ME1: variants seen among roughly 807,000 people sequenced by gnomAD.
The protein encoded by ME1 is NADP-dependent malic enzyme.
Under a neutral mutation model 66.4 loss-of-function variants are expected in ME1, and 74 were observed. That is an observed-to-expected ratio of 1.11 (90% confidence interval 0.92 to 1.35). The LOEUF (loss-of-function observed/expected upper bound fraction) is 1.35, where lower values mean the gene tolerates loss of function less well. Ranked by LOEUF, ME1 falls within the 40% of genes most tolerant of loss-of-function variation. The probability of loss-of-function intolerance (pLI) is 0.00; values close to 1 mark genes in which losing one functional copy is unlikely to be tolerated. For missense variants in ME1, 750 were observed against 694.1 expected (o/e 1.08, Z -0.90); for synonymous variants, 251 against 235.6 (o/e 1.07, Z -0.60).
At chr6:83,389,346 A>G (rs1769574472) in intron 3 of ME1, among the ~76,000 whole-genome samples, 1 of 152,214 alleles carries the variant, frequency 6.6e-6, no homozygotes, top group Non-Finnish European at 1.5e-5. Flanking sequence ...ACATATACTA[A>G]TTGAACACCA....
rs115738021 is a variant in ME1 at position 83,260,209 on chromosome 6, C to G, written c.705-6471G>C. Among the ~76,000 whole-genome samples, 937 of 150,432 alleles carry G rather than the reference C, an allele frequency of 6.2e-3. 10 individuals are homozygous for G. The highest frequency in any genetic ancestry group is 0.022 in the African/African-American group (895 of 41,090). On this transcript the variant is annotated intron_variant, in intron 6 of 13. Transcript: ENST00000369705. ...AAAAGAATCACAAGCAAAATAGAAT[C>G]ACTATGTTTAGGTGTTGTCTGCTTT... is the stretch of plus-strand genomic sequence containing the variant.
intron 7 of ME1, among the ~76,000 whole-genome samples, chr6:83,248,462 G>T (rs1393362816): frequency 1.3e-5 from 2 of 152,078 alleles, no homozygotes; most frequent in Non-Finnish European, 2.9e-5. Context: ...ATTATACATG[G>T]TATCTTCAAG....
chr6:83,235,531 C>T (rs540761211), intron 9 of ME1, among the ~76,000 whole-genome samples: 7 of 140,504 alleles, frequency 5.0e-5, no homozygotes, highest in Admixed American at 7.7e-5. Context: ...AGTGCAGTGG[C>T]GCGATCTCGG....
chr6:83,412,197 C>G (rs1562007169), intron 1 of ME1, among the ~76,000 whole-genome samples: 2 of 151,946 alleles, frequency 1.3e-5, no homozygotes, highest in African/African-American at 4.8e-5. Flanking sequence ...CAATGAATGA[C>G]TTTTTTTCCC....
At chr6:83,317,979 G>A (rs1338772997) in intron 5 of ME1, among the ~76,000 whole-genome samples, 2 of 152,042 alleles carry the variant, frequency 1.3e-5, no homozygotes, top group African/African-American at 2.4e-5. Context: ...ACAGAACAGA[G>A]CCCTCAGAAA....
rs147122038 is a variant in ME1, at chr6:83,377,316, A to G, written c.362+21051T>C. 1.1e-4 allele frequency among the ~76,000 whole-genome samples: 16 copies of G among 152,330 alleles called. No homozygotes were observed. The East Asian group carries it at 2.5e-3, about 24-fold the overall frequency. ...GTCAACTGGCACATCAATTAAAAAT[A>G]AGTTTCCATAATATATCTCTACATG... On this transcript the variant is annotated intron_variant, in intron 3 of 13. Transcript: ENST00000369705.
intron 7 of ME1, among the ~76,000 whole-genome samples, chr6:83,250,735 A>C (rs1249349689): frequency 1.3e-5 from 2 of 152,224 alleles, no homozygotes; most frequent in Non-Finnish European, 2.9e-5. Context: ...AGTGTGAATA[A>C]TCTTTCCAAA....
At chr6:83,313,025 G>A (rs1213756361) in intron 6 of ME1, among the ~76,000 whole-genome samples, 2 of 152,144 alleles carry the variant, frequency 1.3e-5, no homozygotes, top group East Asian at 3.9e-4. Context: ...CCAAAGTGCT[G>A]GGATTAAAGG....
chr6:83,354,188 A>G (rs912506197), intron 3 of ME1, among the ~76,000 whole-genome samples: 1 of 152,126 alleles, frequency 6.6e-6, no homozygotes, highest in East Asian at 1.9e-4. Context: ...GGGCATTGGC[A>G]TAATCTTGGC....
intron 6 of ME1, among the ~76,000 whole-genome samples, chr6:83,312,908 C>T (rs891345892): frequency 6.6e-6 from 1 of 152,180 alleles, no homozygotes; most frequent in Non-Finnish European, 1.5e-5. Context: ...CATACGCCAC[C>T]ATGCCTGGCT....
chr6:83,424,979 G>C (rs1770340767), intron 1 of ME1, among the ~76,000 whole-genome samples: 1 of 152,024 alleles, frequency 6.6e-6, no homozygotes. Flanking sequence ...TTCAGCCTCT[G>C]GATCTCTAAG....
chr6:83,259,227 T>G (rs1180186), intron 6 of ME1, among the ~76,000 whole-genome samples: 71,947 of 151,974 alleles, frequency 0.47, 18,020 homozygotes, highest in African/African-American at 0.64. Context: ...ACCCATTTTT[T>G]ATAATGTATT....
At chr6:83,270,569 G>T (rs1369458865) in intron 6 of ME1, among the ~76,000 whole-genome samples, 1 of 152,036 alleles carries the variant, frequency 6.6e-6, no homozygotes, top group Admixed American at 6.6e-5. Flanking sequence ...CTAATGGAGG[G>T]CATTAACTGG....
intron 3 of ME1, among the ~76,000 whole-genome samples, chr6:83,373,584 A>G (rs1336838802): frequency 2.0e-5 from 3 of 152,202 alleles, no homozygotes; most frequent in African/African-American, 7.2e-5. Context: ...AACAAAATTA[A>G]TTTGTTAAAT....
chr6:83,430,842 G>C, intron 1 of ME1, 35 bp downstream of exon 1: 1 of 1,550,384 alleles, frequency 6.5e-7, no homozygotes, highest in Non-Finnish European at 8.8e-7. Context: ...GATAGAGAGG[G>C]GCCGATGGGC....
chr6:83,285,283 TCTA>T (rs1767375879), intron 6 of ME1, among the ~76,000 whole-genome samples: 1 of 152,182 alleles, frequency 6.6e-6, no homozygotes, highest in Admixed American at 6.6e-5. Flanking sequence ...AAGCTTTAAT[TCTA>T]CTAGACTGTC....
intron 6 of ME1, among the ~76,000 whole-genome samples, chr6:83,274,007 A>G (rs912271831): frequency 1.3e-5 from 2 of 151,928 alleles, no homozygotes; most frequent in Non-Finnish European, 2.9e-5. Context: ...CTGTTTTCAA[A>G]CTCGTATCCC....
At chr6:83,213,763 TA>T (rs1789943078) in intron 13 of ME1, among the ~76,000 whole-genome samples, 1 of 152,214 alleles carries the variant, frequency 6.6e-6, no homozygotes, top group Non-Finnish European at 1.5e-5. Flanking sequence ...CATCTCAATG[TA>T]AAACTATGCA....
intron 7 of ME1, among the ~76,000 whole-genome samples, chr6:83,242,362 A>G (rs1790526664): frequency 6.6e-6 from 1 of 152,232 alleles, no homozygotes; most frequent in African/African-American, 2.4e-5. Context: ...GGTTAAAATT[A>G]CCATATATAT....
Sources: allele counts gnomAD v4.1 joint callset (sites outside exome capture counted in the v4.1 genomes callset), GRCh38; gene constraint gnomAD v4.1.1; transcripts MANE v1.5; gene names NCBI Gene and HGNC (gene_info 2026-07-23, HGNC 2026-07-21).